Variants in NDOR1 observed in about 807,000 individuals in gnomAD.
NDOR1 encodes the protein NADPH-dependent diflavin oxidoreductase 1.
A neutral mutation model predicts 67.2 loss-of-function variants in NDOR1; 61 were observed. That is an observed-to-expected ratio of 0.91 (90% CI 0.74 to 1.12). The LOEUF (loss-of-function observed/expected upper bound fraction) is 1.12, where lower values mean the gene tolerates loss of function less well. Ranked by LOEUF, NDOR1 falls within the 50% of genes most tolerant of loss-of-function variation. The pLI is 0.00. For missense variants in NDOR1, 878 were observed against 802.8 expected (o/e 1.09, Z -1.13); for synonymous variants, 378 against 343.7 (o/e 1.10, Z -1.10).
chr9:137,211,705 G>A (rs967733312), intron 2 of NDOR1, among the ~76,000 whole-genome samples: 9 of 152,124 alleles, frequency 5.9e-5, no homozygotes, highest in African/African-American at 1.4e-4. Flanking sequence ...GTGAGGTCCC[G>A]GGAGGCCAGG....
rs200464302 is a variant in NDOR1 at position 137,215,694 on chromosome 9, A to G, written c.1324A>G (p.Ser442Gly). The stretch of plus-strand genomic sequence containing the variant: ...GGTGCCCCTCTGGGTGCGGCCTGGG[A>G]GTCTGGCCTTCCCAGAGACACCAGA... ...VRVPLWVRPG[S>G]LAFPETPDTP... is the part of the protein sequence containing the mutation. Residue 442 changes from serine to glycine, a missense_variant, in exon 11 of 14, where the codon AGT becomes GGT. Physicochemically the swap from Ser to Gly is moderately conservative, Grantham distance 56. Transcript: ENST00000684003. 1.9e-6 allele frequency: 3 copies of G among 1,589,268 alleles called. No individual in the cohort carries two copies. Among genetic ancestry groups the G allele is most frequent in the South Asian group, 1.1e-5 (1 of 87,544 alleles).
chr9:137,214,959 G>T lies in NDOR1; in HGVS notation c.1006G>T (p.Ala336Ser). 1 of 1,613,598 alleles carries T rather than the reference G, an allele frequency of 6.2e-7. No individual in the cohort carries two copies. The change falls in exon 8 of 14, where the codon GCC (alanine) becomes TCC (serine). Residue 336 changes from alanine to serine, a missense_variant. By Grantham distance (99) the Ala-to-Ser change is moderately conservative. Coordinates refer to ENST00000684003, the MANE Select transcript of NDOR1 (RefSeq NM_014434.4). ...GGAGAAGCTGCTGGAGTTCAGTTCT[G>T]CCCAAGGCCAGGAGGAGCTCTTTGA... The part of the protein sequence containing the change: ...EREKLLEFSS[A>S]QGQEELFEYC...
chr9:137,215,507 T>G lies in NDOR1; in HGVS notation c.1274T>G (p.Leu425Arg), dbSNP rs770374729. 1.2e-6 allele frequency: 2 copies of G among 1,613,242 alleles called. No homozygotes were observed. The highest frequency in any genetic ancestry group is 1.7e-6 in the Non-Finnish European group (2 of 1,179,968). Reference protein sequence around the residue: ...RGLCSSWLASLDPGQGPVRVP... With the variant: ...RGLCSSWLASRDPGQGPVRVP... ...CTCTGCTCCTCCTGGCTGGCATCCCTGGACCCTGGGCAAGGTGACCCCTGC... is the reference window on the plus strand; with the variant it reads ...CTCTGCTCCTCCTGGCTGGCATCCCGGGACCCTGGGCAAGGTGACCCCTGC... Residue 425 changes from leucine to arginine, a missense_variant, in exon 10 of 14, where the codon CTG becomes CGG. Transcript: ENST00000684003.
chr9:137,216,305 A>C lies in NDOR1; in HGVS notation c.1683A>C (p.Glu561Asp), dbSNP rs1835598188. The C allele has an allele frequency of 6.2e-7, 1 of 1,612,334 alleles. No individual in the cohort carries two copies. Residue 561 changes from glutamate (E) to aspartate (D), a missense_variant, in exon 14 of 14, where the codon GAA becomes GAC. Glu to Asp is a conservative substitution (Grantham distance 45, BLOSUM62 2). Coordinates refer to ENST00000684003, the MANE Select transcript of NDOR1 (RefSeq NM_014434.4). ...NAKSMPADVS[E>D]ALMSIFQEEG... ...AGTCCATGCCAGCGGACGTCTCGGA[A>C]GCCCTGATGTCCATCTTCCAGGAGG...
At chr9:137,209,549 C>T (rs1481151042) in intron 2 of NDOR1, among the ~76,000 whole-genome samples, 1 of 152,152 alleles carries the variant, frequency 6.6e-6, no homozygotes, top group South Asian at 2.1e-4. Context: ...ATGCCCACAG[C>T]GGGAACTGGG....
chr9:137,213,201 C>T (rs376791841), intron 3 of NDOR1, among the ~76,000 whole-genome samples: 9 of 152,208 alleles, frequency 5.9e-5, no homozygotes, highest in East Asian at 5.8e-4. Flanking sequence ...GGTTTTGTTC[C>T]GTGCGTGACG....
In NDOR1 at chr9:137,218,941, A is replaced by G. The variant is rs1252207926; in HGVS notation, c.*2525A>G. The G allele has an allele frequency of 3.7e-6, 1 of 272,604 alleles. No homozygotes were observed. Among genetic ancestry groups the G allele is most frequent in the Non-Finnish European group, 6.9e-6 (1 of 145,724 alleles). 16.9% of individuals were successfully genotyped at this position (272,604 alleles called of 1,614,324 possible). ...GCGGCAGACGGGCACCGTACTGGCC[A>G]CGGGCTGACGCCGGCCACACTTCCC... On this transcript the variant is annotated 3_prime_UTR_variant, in exon 14 of 14. Coordinates refer to ENST00000684003, the MANE Select transcript of NDOR1 (RefSeq NM_014434.4).
In NDOR1 at chr9:137,218,585, G is replaced by A. The variant is rs1037221248; in HGVS notation, c.*2169G>A. ...GCTGGGACTGCTCTTCGTGCTCCTG[G>A]ACCGCTCTGGCCGCTGAGCAGAGCC... On this transcript the variant is annotated 3_prime_UTR_variant, in exon 14 of 14. Transcript: ENST00000684003. 1 of 399,270 alleles carries A rather than the reference G, an allele frequency of 2.5e-6. No homozygotes were observed. Among genetic ancestry groups the A allele is most frequent in the Non-Finnish European group, 4.4e-6 (1 of 226,600 alleles). The allele number at this position is 399,270 out of a possible 1,614,324, so 24.7% of individuals were successfully genotyped here. A position where few individuals can be genotyped will look rare whatever the true frequency, so the allele number is the denominator to read the frequency against.
In NDOR1 at chr9:137,214,204, C is replaced by T. The variant is rs773920000; in HGVS notation, c.513C>T (p.Pro171=). Reference sequence around the variant, plus strand: ...GTCTGACCAGCGTGCCCTCCCACAGCCTGCCCTCCAAGTTCACCCTGCTGT... The same window carrying T: ...GTCTGACCAGCGTGCCCTCCCACAGTCTGCCCTCCAAGTTCACCCTGCTGT... ...PGLTEIPPGV[P]LPSKFTLLFL... The change falls in exon 6 of 14, where the codon CCC becomes CCT. Residue 171 remains proline (P), a splice_region_variant and synonymous_variant. Coordinates refer to ENST00000684003, the MANE Select transcript of NDOR1 (RefSeq NM_014434.4). 2 of 1,609,688 alleles carry T rather than the reference C, an allele frequency of 1.2e-6. No individual in the cohort carries two copies. Among genetic ancestry groups the T allele is most frequent in the Non-Finnish European group, 1.7e-6 (2 of 1,179,158 alleles).
At position 137,212,191 on chromosome 9, in the gene NDOR1, A is replaced by C. The variant is rs1213778380; in HGVS notation, c.214-311A>C. ...AGTGCAGAGCTGCTCCTGGCAGCTC[A>C]GAGCCTGGGGCAGAGGAGGGTGATG... On this transcript the variant is annotated intron_variant, in intron 2 of 13. Coordinates refer to ENST00000684003, the MANE Select transcript of NDOR1 (RefSeq NM_014434.4). The surrounding 1 kb of genome is among the most constrained non-coding windows in gnomAD (Gnocchi z 4.3). Among the ~76,000 whole-genome samples the C allele has an allele frequency of 6.7e-6, 1 of 149,974 alleles. No homozygotes were observed. Among genetic ancestry groups the C allele is most frequent in the Non-Finnish European group, 1.5e-5 (1 of 67,994 alleles).
chr9:137,216,498 C>T lies in NDOR1; in HGVS notation c.*82C>T, dbSNP rs990260621. The T allele has an allele frequency of 1.3e-6, 2 of 1,507,816 alleles. No homozygotes were observed. Among genetic ancestry groups the T allele is most frequent in the African/African-American group, 2.8e-5 (2 of 72,046 alleles). The allele number at this position is 1,507,816 out of a possible 1,614,324, so 93.4% of individuals were successfully genotyped here. On this transcript the variant is annotated 3_prime_UTR_variant, in exon 14 of 14. Transcript: ENST00000684003. The stretch of plus-strand genomic sequence containing the variant: ...CATCCACGAGGGAGCTCCTGGCCAG[C>T]AGCCGTCATCCTCTCGGACCAGCCA...
chr9:137,208,617 G>A (rs938392555), intron 2 of NDOR1, among the ~76,000 whole-genome samples: 3 of 151,990 alleles, frequency 2.0e-5, no homozygotes, highest in African/African-American at 4.8e-5. Flanking sequence ...TGGGAGGATC[G>A]CTTGAGCCCA....
Position 137,219,001 on chromosome 9 carries a change from GCAAA to G in NDOR1, c.*2588_*2591del, listed in dbSNP as rs1360398085. The G allele has an allele frequency of 5.2e-6, 1 of 190,656 alleles. No individual in the cohort carries two copies. The highest frequency in any genetic ancestry group is 1.1e-5 in the Non-Finnish European group (1 of 94,164). The allele number at this position is 190,656 out of a possible 1,614,324, so 11.8% of individuals were successfully genotyped here. ...CCAGCTGAGCACAGCAGGCATGAAA[GCAAA>G]CAGAGATACAGCAGTGAGTCAGTTC... is the stretch of plus-strand genomic sequence containing the variant. On this transcript the variant is annotated 3_prime_UTR_variant, in exon 14 of 14. Transcript: ENST00000684003.
chr9:137,215,241 G>A (rs1564400354), intron 9 of NDOR1, 39 bp downstream of exon 9: 6 of 1,590,482 alleles, frequency 3.8e-6, no homozygotes, highest in Non-Finnish European at 5.1e-6. Flanking sequence ...ACCGGCCCTG[G>A]GAAAGCTGGG....
In NDOR1 at chr9:137,216,412, C is replaced by T; in HGVS notation, c.1790C>T (p.Ala597Val). The change falls in exon 14 of 14, where the codon GCC becomes GTC. Residue 597 changes from alanine to valine, a missense_variant. Coordinates refer to ENST00000684003, the MANE Select transcript of NDOR1 (RefSeq NM_014434.4). The stretch of plus-strand genomic sequence containing the variant: ...CGGCGCTTCCAGACAGAGACGTGGG[C>T]CTGAGGCCCGCGGCTGCCCGTGCCC... Reference protein sequence around the residue: ...QTRRFQTETWA With the variant: ...QTRRFQTETWV 2 of 1,601,390 alleles carry T rather than the reference C, an allele frequency of 1.2e-6. No homozygotes were observed. The highest frequency in any genetic ancestry group is 1.7e-6 in the Non-Finnish European group (2 of 1,177,972).
chr9:137,218,719 C>T lies in NDOR1; in HGVS notation c.*2303C>T, dbSNP rs940019212. On this transcript the variant is annotated 3_prime_UTR_variant, in exon 14 of 14. Coordinates refer to ENST00000684003, the MANE Select transcript of NDOR1 (RefSeq NM_014434.4). ...GGCTGGAAAAACCCAAGGTTGGGTC[C>T]AGGGCAGTGGCCTTCAATCAAGACC... The T allele has an allele frequency of 1.0e-5, 4 of 397,556 alleles. No individual in the cohort carries two copies. The highest frequency in any genetic ancestry group is 4.4e-5 in the Admixed American group (1 of 22,704). 24.6% of individuals were successfully genotyped at this position (397,556 alleles called of 1,614,324 possible).
Position 137,214,253 on chromosome 9 carries a change from G to T in NDOR1, c.562G>T (p.Gly188Cys), listed in dbSNP as rs1309866219. 1.2e-5 allele frequency: 19 copies of T among 1,613,320 alleles called. No individual in the cohort carries two copies. The highest frequency in any genetic ancestry group is 1.5e-5 in the Non-Finnish European group (18 of 1,180,014). ...GTTCCTCCAAGAGGCACCCAGCACG[G>T]GCTCTGAGGGGCAGCGGGTAGCTCA... is the stretch of plus-strand genomic sequence containing the variant. ...LLFLQEAPST[G>C]SEGQRVAHPG... is the part of the protein sequence containing the mutation. Residue 188 changes from glycine to cysteine, a missense_variant, in exon 6 of 14, where the codon GGC (glycine) becomes TGC (cysteine). By Grantham distance (159) the Gly-to-Cys change is radical. Transcript: ENST00000684003.
chr9:137,206,505 G>C (rs531708462), intron 2 of NDOR1, among the ~76,000 whole-genome samples, 196 bp downstream of exon 2: 53 of 152,286 alleles, frequency 3.5e-4, no homozygotes, highest in Non-Finnish European at 5.9e-4. Context: ...CCACCAAATA[G>C]CCTTATTATC....
rs752941083 is a variant in NDOR1 at position 137,215,797 on chromosome 9, G to A, written c.1427G>A (p.Gly476Asp). 1.3e-6 allele frequency: 2 copies of A among 1,597,528 alleles called. No individual in the cohort carries two copies. Among genetic ancestry groups the A allele is most frequent in the Non-Finnish European group, 1.7e-6 (2 of 1,171,276 alleles). Residue 476 changes from glycine to aspartate, a missense_variant, in exon 11 of 14, where the codon GGC becomes GAC. Gly to Asp is a moderately conservative substitution (Grantham distance 94). Transcript: ENST00000684003. Reference sequence around the variant, plus strand: ...GCCATCCAGGAGCGTGTGGCCCAGGGCCAGACTGGTGAGCACCCAGGGTCT... The same window carrying A: ...GCCATCCAGGAGCGTGTGGCCCAGGACCAGACTGGTGAGCACCCAGGGTCT... ...RAAIQERVAQ[G>D]QTGNFLFFGC... is the part of the protein sequence containing the mutation.
Sources: allele counts gnomAD v4.1 joint callset (sites outside exome capture counted in the v4.1 genomes callset), GRCh38; gene constraint gnomAD v4.1.1; non-coding constraint Gnocchi (gnomAD v3.1); transcripts MANE v1.5; gene names NCBI Gene and HGNC (gene_info 2026-07-23, HGNC 2026-07-21).